The following PYGB variants were observed in gnomAD, a reference collection of about 807,000 sequenced individuals.
PYGB encodes the protein glycogen phosphorylase B.
Under a neutral mutation model 94.3 loss-of-function variants are expected in PYGB, and 82 were observed. The ratio of observed to expected loss-of-function variants is 0.87; its 90% CI spans 0.73 to 1.04. PYGB has a LOEUF of 1.04. Among genes scored for constraint, PYGB ranks in the 50% least tolerant of loss-of-function variants. PYGB has a pLI of 0.00. For missense variants in PYGB, 1,132 were observed against 1,158.2 expected (o/e 0.98, Z 0.33); for synonymous variants, 488 against 479.1 (o/e 1.02, Z -0.24).
At position 25,292,395 on chromosome 20, in the gene PYGB, C is replaced by G. The variant is rs760371699; in HGVS notation, c.1970-11C>G. 2 of 1,612,096 alleles carry G rather than the reference C, an allele frequency of 1.2e-6. No individual in the cohort carries two copies. The highest frequency in any genetic ancestry group is 1.7e-6 in the Non-Finnish European group (2 of 1,179,902). Reference sequence around the variant, plus strand: ...CTCACAGTGATCCCCTCCACGGGCTCCCCTCCACAGTGATCCCGGCCGCTG... The same window carrying G: ...CTCACAGTGATCCCCTCCACGGGCTGCCCTCCACAGTGATCCCGGCCGCTG... On this transcript the variant is annotated splice_polypyrimidine_tract_variant and intron_variant, in intron 16 of 19. Coordinates refer to ENST00000216962, the MANE Select transcript of PYGB (RefSeq NM_002862.4).
chr20:25,281,939 C>T (rs191001335), intron 11 of PYGB, 94 bp from the exon 12 acceptor site: 4 of 1,059,056 alleles, frequency 3.8e-6, no homozygotes, highest in Non-Finnish European at 5.8e-6. Context: ...AGCTTGAGGG[C>T]TCCTGGGACC....
intron 15 of PYGB, among the ~76,000 whole-genome samples, chr20:25,290,122 T>C (rs1351649165): frequency 6.6e-6 from 1 of 152,230 alleles, no homozygotes; most frequent in Non-Finnish European, 1.5e-5. Flanking sequence ...TCTTTCCGAA[T>C]GTGTCCCTCC....
rs79676296 is a variant in PYGB, at chr20:25,296,094, C to A, written c.2380-276C>A. On this transcript the variant is annotated intron_variant, in intron 19 of 19. Transcript: ENST00000216962. ...CTGGGCAGTTCTTACCTGGTGCTAT[C>A]CCTATCGTCGTCCTGGGGGCCATGC... Among the ~76,000 whole-genome samples, 125 of 151,916 alleles carry A rather than the reference C, an allele frequency of 8.2e-4. 2 individuals are homozygous for A. In the East Asian group the frequency reaches 0.021, roughly 26 times the overall value.
intron 18 of PYGB, 51 bp downstream of exon 18, chr20:25,294,343 G>A (rs749834013): frequency 1.3e-6 from 2 of 1,503,518 alleles, no homozygotes. Context: ...AGGGAGGGAG[G>A]GGTCCTCTTC....
intron 19 of PYGB, 23 bp from the exon 20 acceptor site, chr20:25,296,347 T>TA: frequency 6.2e-7 from 1 of 1,613,752 alleles, no homozygotes. Context: ...CGCCAGAGAC[T>TA]AATTTCATCT....
rs1337242426 is a variant in PYGB at position 25,248,433 on chromosome 20, C to T, written c.243+12C>T. 1 of 1,434,690 alleles carries T rather than the reference C, an allele frequency of 7.0e-7. No homozygotes were observed. Among genetic ancestry groups the T allele is most frequent in the Admixed American group, 2.5e-5 (1 of 40,534 alleles). The allele number at this position is 1,434,690 out of a possible 1,614,324, so 88.9% of individuals were successfully genotyped here. ...AGCGCGACCCCAAGGTGAGGCGCTG[C>T]CCCGCCCTGTGCGCCCGTGCCCGCT... On this transcript the variant is annotated intron_variant, in intron 1 of 19. Transcript: ENST00000216962.
At chr20:25,253,406 C>G (rs2092893879) in intron 1 of PYGB, among the ~76,000 whole-genome samples, 1 of 151,880 alleles carries the variant, frequency 6.6e-6, no homozygotes, top group Non-Finnish European at 1.5e-5. Context: ...AATCCCAGCA[C>G]TTTGGGAGGC....
intron 19 of PYGB, among the ~76,000 whole-genome samples, chr20:25,296,136 G>A (rs2088540029): frequency 6.6e-6 from 1 of 152,090 alleles, no homozygotes; most frequent in South Asian, 2.1e-4. Flanking sequence ...AGGAATTTTC[G>A]AGGCTGGGAC....
chr20:25,281,919 A>T, intron 11 of PYGB, 114 bp from the exon 12 acceptor site: 1 of 900,604 alleles, frequency 1.1e-6, no homozygotes. Flanking sequence ...AAAACAGAAC[A>T]GAACCACTGA....
At chr20:25,292,377 T>C (rs202100401) in intron 16 of PYGB, 29 bp from the exon 17 acceptor site, 12 of 1,609,684 alleles carry the variant, frequency 7.5e-6, no homozygotes, top group Non-Finnish European at 9.3e-6. Context: ...GTCCTCACAG[T>C]GATCCCCTCC....
chr20:25,248,894 C>CTT (rs11473890), intron 1 of PYGB, among the ~76,000 whole-genome samples: 9,112 of 152,082 alleles, frequency 0.06, 826 homozygotes, highest in African/African-American at 0.2. Flanking sequence ...AATTGTGAGA[C>CTT]TTTTTTTTGT....
In PYGB at chr20:25,297,580, C is replaced by G. The variant is rs1353034826; in HGVS notation, c.*1058C>G. The G allele has an allele frequency of 6.6e-6, 1 of 152,326 alleles. No individual in the cohort carries two copies. Among genetic ancestry groups the G allele is most frequent in the Non-Finnish European group, 1.5e-5 (1 of 68,118 alleles). 9.4% of individuals were successfully genotyped at this position (152,326 alleles called of 1,614,324 possible). On this transcript the variant is annotated 3_prime_UTR_variant, in exon 20 of 20. Coordinates refer to ENST00000216962, the MANE Select transcript of PYGB (RefSeq NM_002862.4). ...TGCTCTGCTTGGACAGCAGGCCTGG[C>G]ACTGGGAGGTGGGGGTGAGCCCCTC...
At chr20:25,278,556 T>G in intron 8 of PYGB, 94 bp downstream of exon 8, 1 of 1,513,178 alleles carries the variant, frequency 6.6e-7, no homozygotes, top group Non-Finnish European at 9.0e-7. Context: ...GGGGCTAGAG[T>G]GGAATGGTAC....
intron 8 of PYGB, 26 bp from the exon 9 acceptor site, chr20:25,279,030 GA>G (rs2088340983): frequency 6.3e-7 from 1 of 1,596,670 alleles, no homozygotes; most frequent in Non-Finnish European, 8.6e-7. Flanking sequence ...TGAAATGACT[GA>G]ATGGCACCCC....
intron 3 of PYGB, among the ~76,000 whole-genome samples, chr20:25,269,769 G>A (rs998986911): frequency 5.9e-5 from 9 of 152,156 alleles, no homozygotes; most frequent in African/African-American, 2.2e-4. Flanking sequence ...TCTCCTGACA[G>A]CCCCAGGGGT....
chr20:25,248,541 C>T lies in PYGB; in HGVS notation c.243+120C>T, dbSNP rs1265779238. On this transcript the variant is annotated intron_variant, in intron 1 of 19. Transcript: ENST00000216962. ...GGCGTTACCTGCGCCCCTAGCCGGC[C>T]GGCGGCCAGGCACAGCCGACTGGGG... The T allele has an allele frequency of 4.2e-6, 5 of 1,201,410 alleles. No homozygotes were observed. The African/African-American group carries it at 7.9e-5, about 19-fold the overall frequency. 74.4% of individuals were successfully genotyped at this position (1,201,410 alleles called of 1,614,324 possible). A position where few individuals can be genotyped will look rare whatever the true frequency, so the allele number is the denominator to read the frequency against.
chr20:25,287,207 G>T (rs1035561140), intron 14 of PYGB, among the ~76,000 whole-genome samples: 1 of 152,258 alleles, frequency 6.6e-6, no homozygotes, highest in African/African-American at 2.4e-5. Context: ...CTTCTGTGAA[G>T]AACTTTGGGG....
intron 2 of PYGB, among the ~76,000 whole-genome samples, chr20:25,264,987 G>T (rs1487395738): frequency 6.6e-6 from 1 of 152,194 alleles, no homozygotes; most frequent in Non-Finnish European, 1.5e-5. Context: ...TAAGCCAAAA[G>T]AAGAAAGCTG....
chr20:25,296,748 C>G lies in PYGB; in HGVS notation c.*226C>G, dbSNP rs201125215. ...GTAAAGGAAGCCAGAGTTGACAGTA[C>G]AAAGGGTCGTGGCCAGCCCTGCAGC... On this transcript the variant is annotated 3_prime_UTR_variant, in exon 20 of 20. Coordinates refer to ENST00000216962, the MANE Select transcript of PYGB (RefSeq NM_002862.4). The G allele has an allele frequency of 1.2e-4, 71 of 607,060 alleles. No individual in the cohort carries two copies. Among genetic ancestry groups the G allele is most frequent in the Admixed American group, 3.3e-4 (10 of 30,212 alleles). The allele number at this position is 607,060 out of a possible 1,614,324, so 37.6% of individuals were successfully genotyped here.
Sources: allele counts gnomAD v4.1 joint callset (sites outside exome capture counted in the v4.1 genomes callset), GRCh38; gene constraint gnomAD v4.1.1; transcripts MANE v1.5; gene names NCBI Gene and HGNC (gene_info 2026-07-23, HGNC 2026-07-21).